CACNB2: variants seen among roughly 807,000 people sequenced by gnomAD.
CACNB2 encodes voltage-dependent L-type calcium channel subunit beta-2.
A neutral mutation model predicts 73.3 loss-of-function variants in CACNB2; 42 were observed. The ratio of observed to expected loss-of-function variants is 0.57; its 90% CI spans 0.45 to 0.74. The LOEUF (loss-of-function observed/expected upper bound fraction) is 0.74, where lower values mean the gene tolerates loss of function less well. Among genes scored for constraint, CACNB2 ranks in the 30% least tolerant of loss-of-function variants. The probability of loss-of-function intolerance (pLI) is 0.00; values close to 1 mark genes in which losing one functional copy is unlikely to be tolerated. For missense variants in CACNB2, 940 were observed against 853.0 expected (o/e 1.10, Z -1.27); for synonymous variants, 348 against 310.3 (o/e 1.12, Z -1.28).
At chr10:18,347,130 A>G (rs1182507122) in intron 2 of CACNB2, among the ~76,000 whole-genome samples, 1 of 152,106 alleles carries the variant, frequency 6.6e-6, no homozygotes, top group African/African-American at 2.4e-5. Flanking sequence ...TAGGATGGAC[A>G]TATCTGACTG....
chr10:18,348,975 G>T lies in CACNB2; in HGVS notation c.214-52949G>T, dbSNP rs1040162849. Among the ~76,000 whole-genome samples the T allele has an allele frequency of 1.3e-5, 2 of 152,184 alleles. 1 individual carries two copies. The highest frequency in any genetic ancestry group is 4.1e-4 in the South Asian group (2 of 4,830). ...CTCTACAAATATATTTTAAAAATCA[G>T]CCACATGTGGTGGTGTGTGCCTGTG... is the stretch of plus-strand genomic sequence containing the variant. On this transcript the variant is annotated intron_variant, in intron 2 of 13. Coordinates refer to ENST00000324631, the MANE Select transcript of CACNB2 (RefSeq NM_201596.3).
intron 2 of CACNB2, among the ~76,000 whole-genome samples, chr10:18,175,334 C>A (rs1157018039): frequency 6.6e-6 from 1 of 152,150 alleles, no homozygotes; most frequent in Non-Finnish European, 1.5e-5. Context: ...GAAAGATCTG[C>A]CCCCAAATAC....
At chr10:18,528,127 C>A (rs1170269173) in intron 10 of CACNB2, among the ~76,000 whole-genome samples, 1 of 152,160 alleles carries the variant, frequency 6.6e-6, no homozygotes, top group Non-Finnish European at 1.5e-5. Flanking sequence ...CCATTATTAT[C>A]CTAAATATTC....
At chr10:18,492,557 A>G (rs1407883450) in intron 3 of CACNB2, among the ~76,000 whole-genome samples, 2 of 137,696 alleles carry the variant, frequency 1.5e-5, no homozygotes, top group African/African-American at 5.4e-5. Flanking sequence ...GGAGGCAGAG[A>G]TTGCAGTGCG....
At chr10:18,492,620 CAAAAAAAA>C (rs371407084) in intron 3 of CACNB2, among the ~76,000 whole-genome samples, 7 of 90,508 alleles carry the variant, frequency 7.7e-5, no homozygotes, top group African/African-American at 2.7e-4. Flanking sequence ...GACTCTGTCT[CAAAAAAAA>C]AAAAAAAAAA....
chr10:18,441,362 G>GT (rs1302428997), intron 3 of CACNB2, among the ~76,000 whole-genome samples: 1 of 152,114 alleles, frequency 6.6e-6, no homozygotes, highest in Non-Finnish European at 1.5e-5. Context: ...CTGATATCGC[G>GT]TCACTGCACT....
At chr10:18,262,017 T>C in intron 2 of CACNB2, 1 of 518,970 alleles carries the variant, frequency 1.9e-6, no homozygotes, top group Non-Finnish European at 3.8e-6. Context: ...GGCTTGATTT[T>C]CATACTCCTT....
rs149894426 is a variant in CACNB2 at position 18,410,261 on chromosome 10, G to C, written c.333+8218G>C. On this transcript the variant is annotated intron_variant, in intron 3 of 13. Transcript: ENST00000324631. ...TCCACATACTCTCATCTGGTTTCCTGTTCTTAGTATTTGTGGGTTTATACT... is the reference window on the plus strand; with the variant it reads ...TCCACATACTCTCATCTGGTTTCCTCTTCTTAGTATTTGTGGGTTTATACT... Among the ~76,000 whole-genome samples, 40 of 152,286 alleles carry C rather than the reference G, an allele frequency of 2.6e-4. 2 individuals carry two copies. The East Asian group carries it at 6.9e-3, about 26-fold the overall frequency.
chr10:18,197,565 G>A (rs943324407), intron 2 of CACNB2, among the ~76,000 whole-genome samples: 3 of 152,126 alleles, frequency 2.0e-5, no homozygotes, highest in East Asian at 1.9e-4. Flanking sequence ...ATTAGGCCAC[G>A]ATGACATCCA....
At chr10:18,495,490 A>G (rs529752664) in intron 3 of CACNB2, among the ~76,000 whole-genome samples, 6 of 151,936 alleles carry the variant, frequency 3.9e-5, no homozygotes, top group Non-Finnish European at 7.4e-5. Context: ...AAGTGCTGCG[A>G]TTACTGGCAT....
chr10:18,226,036 T>G (rs1262674173), intron 2 of CACNB2, among the ~76,000 whole-genome samples: 1 of 151,834 alleles, frequency 6.6e-6, no homozygotes, highest in Admixed American at 6.6e-5. Context: ...TTTTCTTTTT[T>G]TTTTTCTTGA....
At chr10:18,267,322 G>C (rs536126013) in intron 2 of CACNB2, among the ~76,000 whole-genome samples, 3 of 152,068 alleles carry the variant, frequency 2.0e-5, no homozygotes, top group Non-Finnish European at 2.9e-5. Context: ...AATTAAATAA[G>C]GGGCTGGGTG....
intron 3 of CACNB2, among the ~76,000 whole-genome samples, chr10:18,483,164 T>C (rs972914075): frequency 5.9e-5 from 9 of 152,044 alleles, no homozygotes; most frequent in African/African-American, 1.9e-4. Context: ...CTCTCTGCAC[T>C]AATCTAATCC....
chr10:18,229,037 C>T (rs1290817809), intron 2 of CACNB2, among the ~76,000 whole-genome samples: 3 of 152,312 alleles, frequency 2.0e-5, no homozygotes, highest in Non-Finnish European at 2.9e-5. Context: ...CCACCGCATC[C>T]GGCTCTCTTA....
chr10:18,382,072 A>G (rs2043042586), intron 2 of CACNB2, among the ~76,000 whole-genome samples: 1 of 152,098 alleles, frequency 6.6e-6, no homozygotes, highest in African/African-American at 2.4e-5. Flanking sequence ...TAAATGTGTT[A>G]TAAATGATAT....
Position 18,530,121 on chromosome 10 carries a change from C to G in CACNB2, c.1054+2424C>G, listed in dbSNP as rs191025279. Among the ~76,000 whole-genome samples the G allele has an allele frequency of 1.8e-4, 28 of 152,294 alleles. No homozygotes were observed. The East Asian group carries it at 4.8e-3, about 26-fold the overall frequency. ...AGTCCCATGATTCAATTACCCCCCACCAGGTCCCTCCTGTGACACATGGGA... is the reference window on the plus strand; with the variant it reads ...AGTCCCATGATTCAATTACCCCCCAGCAGGTCCCTCCTGTGACACATGGGA... On this transcript the variant is annotated intron_variant, in intron 10 of 13. Transcript: ENST00000324631.
intron 3 of CACNB2, among the ~76,000 whole-genome samples, chr10:18,433,399 GA>G (rs1362544369): frequency 6.6e-6 from 1 of 152,182 alleles, no homozygotes; most frequent in Non-Finnish European, 1.5e-5. Context: ...GAGACCAGGT[GA>G]TGGATTAAGC....
At chr10:18,401,880 A>T in intron 2 of CACNB2, 44 bp from the exon 3 acceptor site, 1 of 1,608,448 alleles carries the variant, frequency 6.2e-7, no homozygotes, top group South Asian at 1.1e-5. Flanking sequence ...CAATGCAAAC[A>T]TCATAGACTG....
chr10:18,144,029 T>C (rs530730691), intron 1 of CACNB2, among the ~76,000 whole-genome samples: 20 of 152,278 alleles, frequency 1.3e-4, no homozygotes, highest in Non-Finnish European at 2.9e-4. Flanking sequence ...ATAAACAAAA[T>C]GATACATTTC....
Sources: allele counts gnomAD v4.1 joint callset (sites outside exome capture counted in the v4.1 genomes callset), GRCh38; gene constraint gnomAD v4.1.1; transcripts MANE v1.5; gene names NCBI Gene and HGNC (gene_info 2026-07-23, HGNC 2026-07-21).